SPECC1: variants seen among roughly 807,000 people sequenced by gnomAD.
SPECC1 encodes the protein sperm antigen with calponin homology and coiled-coil domains 1, also known as cytospin-B.
SPECC1 carries 62 observed loss-of-function variants against 104.1 expected under a neutral mutation model. The ratio of observed to expected loss-of-function variants is 0.60; its 90% confidence interval spans 0.49 to 0.74. The LOEUF is 0.74. Ranked by LOEUF, SPECC1 falls within the 30% of genes least tolerant of loss-of-function variation. SPECC1 has a pLI of 0.00. For synonymous variants in SPECC1, 513 were observed against 501.6 expected, an observed-to-expected ratio of 1.02 and a Z score of -0.30; for missense variants, 1,306 against 1,310.5, an observed-to-expected ratio of 1.00 and a Z score of 0.05.
chr17:20,101,868 G>C (rs2047961502), intron 2 of SPECC1, among the ~76,000 whole-genome samples: 1 of 152,220 alleles, frequency 6.6e-6, no homozygotes, highest in Non-Finnish European at 1.5e-5. Context: ...GTAACGACCA[G>C]ATTATGTTAT....
intron 1 of SPECC1, among the ~76,000 whole-genome samples, chr17:20,057,297 C>G (rs1338219927): frequency 6.6e-6 from 1 of 151,978 alleles, no homozygotes; most frequent in African/African-American, 2.4e-5. Context: ...AAAAAGTAGC[C>G]GGGCGTGGTG....
rs2042065627 is a variant in SPECC1 at position 20,318,367 on chromosome 17, T to C, written c.*4302T>C. 1 of 231,668 alleles carries C rather than the reference T, an allele frequency of 4.3e-6. No homozygotes were observed. Among genetic ancestry groups the C allele is most frequent in the Non-Finnish European group, 8.5e-6 (1 of 117,008 alleles). The allele number at this position is 231,668 out of a possible 1,614,324, so 14.4% of individuals were successfully genotyped here. A position where few individuals can be genotyped will look rare whatever the true frequency, so the allele number is the denominator to read the frequency against. On this transcript the variant is annotated 3_prime_UTR_variant, in exon 15 of 15. Transcript: ENST00000395527. ...TTCTCATTTCAAAAATATTAGTCTT[T>C]TATTTTCCTTTTTCATTCAGTTTTT...
At chr17:20,277,478 CT>C (rs1450422544) in intron 12 of SPECC1, among the ~76,000 whole-genome samples, 2 of 152,074 alleles carry the variant, frequency 1.3e-5, no homozygotes, top group Non-Finnish European at 2.9e-5. Flanking sequence ...CACTTAGCTC[CT>C]TTTATTGGTG....
intron 1 of SPECC1, among the ~76,000 whole-genome samples, chr17:20,032,198 TTC>T (rs1269442977): frequency 1.3e-5 from 2 of 152,178 alleles, no homozygotes; most frequent in Non-Finnish European, 2.9e-5. Context: ...TTTCAATATT[TTC>T]TCTGTTTTTG....
In SPECC1 at chr17:20,096,787, C is replaced by T. The variant is rs557264719; in HGVS notation, c.136C>T (p.Arg46Ter). 1.3e-5 allele frequency: 21 copies of T among 1,613,586 alleles called. No homozygotes were observed. The Admixed American group carries it at 2.2e-4, about 17-fold the overall frequency. Reference protein sequence around the residue: ...KSSTSLAFESRLSRLKRASSE... With the variant: ...KSSTSLAFES Reference sequence around the variant, plus strand: ...TTCAACTTCCTTGGCTTTTGAGTCCCGACTCAGCAGGGTATGGATCAAAAT... The same window carrying T: ...TTCAACTTCCTTGGCTTTTGAGTCCTGACTCAGCAGGGTATGGATCAAAAT... The change falls in exon 2 of 15, where the codon CGA becomes TGA. Residue 46 changes from arginine (R) to a stop codon, truncating the protein, a stop_gained. Coordinates refer to ENST00000395527, the MANE Select transcript of SPECC1 (RefSeq NM_001243439.2). LOFTEE classifies it high-confidence loss of function.
chr17:20,034,716 A>T lies in SPECC1; in HGVS notation c.-22+25292A>T, dbSNP rs567468017. ...TGCCCCCCGGGTTCAAGCGATTCTCATGCCTCAGCCTCCCAAGTAGCTGGG... is the reference window on the plus strand; with the variant it reads ...TGCCCCCCGGGTTCAAGCGATTCTCTTGCCTCAGCCTCCCAAGTAGCTGGG... On this transcript the variant is annotated intron_variant, in intron 1 of 14. Coordinates refer to ENST00000395527, the MANE Select transcript of SPECC1 (RefSeq NM_001243439.2). Among the ~76,000 whole-genome samples the T allele has an allele frequency of 2.7e-5, 4 of 147,344 alleles. No individual in the cohort carries two copies. In the East Asian group the frequency reaches 8.2e-4, roughly 30 times the overall value.
At chr17:20,159,539 C>G (rs1381586552) in intron 3 of SPECC1, among the ~76,000 whole-genome samples, 1 of 152,154 alleles carries the variant, frequency 6.6e-6, no homozygotes, top group Admixed American at 6.5e-5. Context: ...CTCCTCATCC[C>G]CTCTGGGGTG....
intron 1 of SPECC1, among the ~76,000 whole-genome samples, chr17:20,057,080 A>AT: frequency 6.6e-6 from 1 of 152,248 alleles, no homozygotes; most frequent in South Asian, 2.1e-4. Flanking sequence ...TTCTAGTGAA[A>AT]TTTTTTTACT....
At chr17:20,112,971 T>C in intron 3 of SPECC1, 1 of 1,159,174 alleles carries the variant, frequency 8.6e-7, no homozygotes, top group Non-Finnish European at 1.3e-6. Flanking sequence ...CCACTACACA[T>C]GTCACAAAGT....
In SPECC1 at chr17:20,038,848, G is replaced by A. The variant is rs141748496; in HGVS notation, c.-22+29424G>A. Among the ~76,000 whole-genome samples, 528 of 152,274 alleles carry A rather than the reference G, an allele frequency of 3.5e-3. 1 individual carries two copies. Among genetic ancestry groups the A allele is most frequent in the African/African-American group, 8.2e-3 (339 of 41,560 alleles). ...TTTCAAGTATTTGGAGGCTTTTCTC[G>A]TTATCCTCCAGTTACCTCTTTCTAG... On this transcript the variant is annotated intron_variant, in intron 1 of 14. Coordinates refer to ENST00000395527, the MANE Select transcript of SPECC1 (RefSeq NM_001243439.2).
chr17:20,107,850 AT>A (rs1369532616), intron 2 of SPECC1, among the ~76,000 whole-genome samples: 2 of 152,172 alleles, frequency 1.3e-5, no homozygotes, highest in East Asian at 3.8e-4. Context: ...CTACAAAAAT[AT>A]TTTTAAAAAA....
intron 3 of SPECC1, among the ~76,000 whole-genome samples, chr17:20,178,943 G>T (rs2034667167): frequency 6.6e-6 from 1 of 152,210 alleles, no homozygotes; most frequent in South Asian, 2.1e-4. Flanking sequence ...GGTCTGTTTT[G>T]AGGGAAATTG....
At chr17:20,010,628 C>G (rs1259942604) in intron 1 of SPECC1, among the ~76,000 whole-genome samples, 1 of 152,206 alleles carries the variant, frequency 6.6e-6, no homozygotes, top group Non-Finnish European at 1.5e-5. Flanking sequence ...AATAGTTTTT[C>G]GCTTGATTCG....
chr17:20,232,506 A>G (rs536340239), intron 7 of SPECC1, 101 bp downstream of exon 7: 77 of 1,340,576 alleles, frequency 5.7e-5, no homozygotes, highest in African/African-American at 4.5e-4. Flanking sequence ...AGGTTCTGCT[A>G]TTTCCTTTCT....
At chr17:20,060,547 T>C (rs1326821373) in intron 1 of SPECC1, among the ~76,000 whole-genome samples, 5 of 152,208 alleles carry the variant, frequency 3.3e-5, no homozygotes, top group African/African-American at 1.2e-4. Context: ...ACTCTGACTT[T>C]AGGAGCAAAT....
intron 3 of SPECC1, among the ~76,000 whole-genome samples, chr17:20,151,369 G>A (rs1343999157): frequency 6.6e-6 from 1 of 152,166 alleles, no homozygotes; most frequent in East Asian, 1.9e-4. Flanking sequence ...TGCGTTGTCA[G>A]CATTTTTTTG....
chr17:20,257,378 T>C, intron 10 of SPECC1, 73 bp from the exon 11 acceptor site: 2 of 1,479,528 alleles, frequency 1.4e-6, no homozygotes, highest in Non-Finnish European at 9.1e-7. Flanking sequence ...CTGTATTGTA[T>C]TTGAGAATGA....
At chr17:20,173,008 T>C (rs2034203239) in intron 3 of SPECC1, among the ~76,000 whole-genome samples, 3 of 152,246 alleles carry the variant, frequency 2.0e-5, no homozygotes, top group African/African-American at 7.2e-5. Context: ...AATGAAGACT[T>C]GGGCTACATC....
At chr17:20,091,117 G>A (rs1300901387) in intron 1 of SPECC1, among the ~76,000 whole-genome samples, 1 of 152,006 alleles carries the variant, frequency 6.6e-6, no homozygotes, top group African/African-American at 2.4e-5. Flanking sequence ...TCTGCTGATG[G>A]GATCAATGAA....
Sources: allele counts gnomAD v4.1 joint callset (sites outside exome capture counted in the v4.1 genomes callset), GRCh38; gene constraint gnomAD v4.1.1; transcripts MANE v1.5; gene names NCBI Gene and HGNC (gene_info 2026-07-23, HGNC 2026-07-21).